The following RBMS3 variants were observed in gnomAD, a reference collection of about 807,000 sequenced individuals.
RBMS3 encodes the protein RNA-binding motif, single-stranded-interacting protein 3.
Under a neutral mutation model 66.8 loss-of-function variants are expected in RBMS3, and 27 were observed. The ratio of observed to expected loss-of-function variants is 0.40; its 90% CI spans 0.30 to 0.56. The LOEUF is 0.56. Ranked by LOEUF, RBMS3 falls within the 20% of genes least tolerant of loss-of-function variation. The probability of loss-of-function intolerance (pLI) is 0.40; values close to 1 mark genes in which losing one functional copy is unlikely to be tolerated. For missense variants in RBMS3, 513 were observed against 549.5 expected (o/e 0.93, Z 0.66); for synonymous variants, 188 against 183.0 (o/e 1.03, Z -0.22).
chr3:29,837,122 C>T (rs2149495945), intron 6 of RBMS3, among the ~76,000 whole-genome samples: 1 of 152,088 alleles, frequency 6.6e-6, no homozygotes. Flanking sequence ...GGTCAATCAT[C>T]ATTTTTGCAA....
chr3:29,840,560 T>A (rs1490671869), intron 6 of RBMS3, among the ~76,000 whole-genome samples: 2 of 151,960 alleles, frequency 1.3e-5, no homozygotes, highest in Non-Finnish European at 2.9e-5. Flanking sequence ...TTTGAAAGAG[T>A]AAAAGAAGAC....
chr3:29,604,857 G>T (rs149143999), intron 4 of RBMS3, among the ~76,000 whole-genome samples: 1,674 of 151,952 alleles, frequency 0.011, 13 homozygotes, highest in Non-Finnish European at 0.014. Flanking sequence ...TGGAAATTTG[G>T]TTGGCATTTG....
intron 1 of RBMS3, among the ~76,000 whole-genome samples, chr3:29,283,634 C>A (rs1353289420): frequency 1.3e-5 from 2 of 152,084 alleles, no homozygotes; most frequent in Non-Finnish European, 2.9e-5. Flanking sequence ...CTAGCCAACA[C>A]CTTGAACTTC....
intron 3 of RBMS3, among the ~76,000 whole-genome samples, chr3:29,585,304 G>A (rs1169040570): frequency 1.3e-5 from 2 of 152,084 alleles, no homozygotes; most frequent in African/African-American, 4.8e-5. Context: ...ATCTTATATG[G>A]AATTGTTTTA....
intron 1 of RBMS3, among the ~76,000 whole-genome samples, chr3:29,292,870 G>A (rs1367237666): frequency 6.6e-6 from 1 of 151,832 alleles, no homozygotes; most frequent in African/African-American, 2.4e-5. Flanking sequence ...GAGCTGTTTA[G>A]CAAGGAAAAG....
chr3:29,617,883 G>T (rs575612971), intron 4 of RBMS3, among the ~76,000 whole-genome samples: 13 of 152,286 alleles, frequency 8.5e-5, no homozygotes, highest in African/African-American at 3.1e-4. Flanking sequence ...GGCAGAGAAT[G>T]TCCCTGCGCT....
At chr3:29,871,376 A>AG (rs2059487685) in intron 7 of RBMS3, among the ~76,000 whole-genome samples, 1 of 151,836 alleles carries the variant, frequency 6.6e-6, no homozygotes, top group South Asian at 2.1e-4. Context: ...TTCTTAAGGG[A>AG]GGGTTTTTTG....
intron 4 of RBMS3, among the ~76,000 whole-genome samples, chr3:29,718,446 A>T (rs965884071): frequency 6.6e-6 from 1 of 152,108 alleles, no homozygotes; most frequent in African/African-American, 2.4e-5. Flanking sequence ...GGATGGGGAA[A>T]ATGTTCAAAA....
At chr3:29,503,333 G>A (rs1044651983) in intron 3 of RBMS3, among the ~76,000 whole-genome samples, 6 of 151,794 alleles carry the variant, frequency 4.0e-5, no homozygotes, top group African/African-American at 1.5e-4. Flanking sequence ...AATTCTTACC[G>A]AGATTTACCT....
intron 1 of RBMS3, among the ~76,000 whole-genome samples, chr3:29,354,560 C>T (rs575003436): frequency 5.9e-5 from 9 of 151,686 alleles, no homozygotes; most frequent in Middle Eastern, 6.8e-3. Flanking sequence ...CCATGGTGCA[C>T]GTGTGCACGT....
At chr3:29,476,831 T>C (rs2042964878) in intron 2 of RBMS3, among the ~76,000 whole-genome samples, 1 of 152,194 alleles carries the variant, frequency 6.6e-6, no homozygotes, top group African/African-American at 2.4e-5. Context: ...TTGTGGGTTC[T>C]GAATCTTTAA....
chr3:29,371,303 C>A (rs1323083920), intron 1 of RBMS3, among the ~76,000 whole-genome samples: 1 of 152,166 alleles, frequency 6.6e-6, no homozygotes, highest in Non-Finnish European at 1.5e-5. Flanking sequence ...TTGAATAGTT[C>A]ATCTTTGAAA....
intron 10 of RBMS3, among the ~76,000 whole-genome samples, chr3:29,917,704 G>T (rs2060674354): frequency 6.6e-6 from 1 of 152,066 alleles, no homozygotes; most frequent in African/African-American, 2.4e-5. Context: ...AATAGTGGAT[G>T]CTTCTCCCAA....
At chr3:29,402,872 A>G (rs1218961418) in intron 1 of RBMS3, among the ~76,000 whole-genome samples, 1 of 152,034 alleles carries the variant, frequency 6.6e-6, no homozygotes, top group Non-Finnish European at 1.5e-5. Flanking sequence ...GATAAACTGG[A>G]GTTTATGGAC....
chr3:29,370,901 G>C (rs2038165612), intron 1 of RBMS3, among the ~76,000 whole-genome samples: 1 of 152,168 alleles, frequency 6.6e-6, no homozygotes, highest in Admixed American at 6.6e-5. Flanking sequence ...GCAGAGGCTA[G>C]AGGGATTCAC....
At chr3:29,463,592 G>C (rs896221083) in intron 2 of RBMS3, among the ~76,000 whole-genome samples, 4 of 145,220 alleles carry the variant, frequency 2.8e-5, no homozygotes, top group Admixed American at 2.1e-4. Flanking sequence ...AGAATACTAG[G>C]ATTATGTATT....
chr3:29,434,967 G>T, intron 2 of RBMS3, 52 bp downstream of exon 2: 1 of 1,548,826 alleles, frequency 6.5e-7, no homozygotes, highest in Non-Finnish European at 8.8e-7. Context: ...ACTTGCCTTG[G>T]TGGGCAGGAT....
At chr3:29,936,718 A>C (rs1463450867) in intron 11 of RBMS3, among the ~76,000 whole-genome samples, 1 of 152,064 alleles carries the variant, frequency 6.6e-6, no homozygotes, top group African/African-American at 2.4e-5. Flanking sequence ...AAGGGAACCT[A>C]ATGTGCTTGA....
At chr3:29,301,138 C>G (rs1394036834) in intron 1 of RBMS3, among the ~76,000 whole-genome samples, 1 of 151,916 alleles carries the variant, frequency 6.6e-6, no homozygotes, top group Non-Finnish European at 1.5e-5. Context: ...AAAACTGAAG[C>G]ATGATCTAAA....
Sources: gnomAD v4.1 joint callset for allele counts (sites outside exome capture counted in the v4.1 genomes callset) on GRCh38, gnomAD v4.1.1 for gene constraint, MANE v1.5 for transcripts, NCBI Gene and HGNC (gene_info 2026-07-23, HGNC 2026-07-21) for gene names.